MAML2: variants seen among roughly 807,000 people sequenced by gnomAD.
MAML2 encodes the protein mastermind-like protein 2.
A neutral mutation model predicts 96.1 loss-of-function variants in MAML2; 22 were observed. That is an observed-to-expected ratio of 0.23 (90% CI 0.16 to 0.33). The LOEUF is 0.33. Among genes scored for constraint, MAML2 ranks in the 10% least tolerant of loss-of-function variants. The pLI, the probability that MAML2 is intolerant of heterozygous loss-of-function variation, is 1.00. For synonymous variants in MAML2, 561 were observed against 521.3 expected, an observed-to-expected ratio of 1.08 and a Z score of -1.04; for missense variants, 1,367 against 1,392.4, an observed-to-expected ratio of 0.98 and a Z score of 0.29.
intron 1 of MAML2, among the ~76,000 whole-genome samples, chr11:96,140,876 G>T (rs1467215387): frequency 6.6e-6 from 1 of 152,174 alleles, no homozygotes; most frequent in Non-Finnish European, 1.5e-5. Flanking sequence ...TCATTTTAGG[G>T]ACACACAGGA....
chr11:96,302,730 C>T (rs529812957), intron 1 of MAML2, among the ~76,000 whole-genome samples: 1 of 152,266 alleles, frequency 6.6e-6, no homozygotes, highest in East Asian at 1.9e-4. Context: ...ACGAATTACT[C>T]TCTTGATTAA....
intron 2 of MAML2, among the ~76,000 whole-genome samples, chr11:96,020,266 CA>C (rs1858416411): frequency 6.6e-6 from 1 of 152,196 alleles, no homozygotes; most frequent in South Asian, 2.1e-4. Flanking sequence ...CCCTCTCCAT[CA>C]GATTCTCATT....
At chr11:96,158,058 A>G (rs1375439266) in intron 1 of MAML2, among the ~76,000 whole-genome samples, 1 of 152,202 alleles carries the variant, frequency 6.6e-6, no homozygotes, top group African/African-American at 2.4e-5. Context: ...AAAGAAATAT[A>G]AATCATATTT....
chr11:96,329,958 C>T (rs1863832075), intron 1 of MAML2, among the ~76,000 whole-genome samples: 1 of 152,118 alleles, frequency 6.6e-6, no homozygotes, highest in Non-Finnish European at 1.5e-5. Context: ...ATTACATTGC[C>T]CATATATATT....
At position 96,248,327 on chromosome 11, in the gene MAML2, G is replaced by T. The variant is rs565596354; in HGVS notation, c.513+93056C>A. ...GGGTTTCATCATTTTGGCCAGACTA[G>T]TCTCCAACTCCTGACCTCAAGTGAT... On this transcript the variant is annotated intron_variant, in intron 1 of 4. Transcript: ENST00000524717. Among the ~76,000 whole-genome samples, 14 of 150,868 alleles carry T rather than the reference G, an allele frequency of 9.3e-5. No individual in the cohort carries two copies. The South Asian group carries it at 2.9e-3, about 32-fold the overall frequency.
At position 96,130,102 on chromosome 11, in the gene MAML2, G is replaced by A. The variant is rs564272959; in HGVS notation, c.514-36585C>T. On this transcript the variant is annotated intron_variant, in intron 1 of 4. Coordinates refer to ENST00000524717, the MANE Select transcript of MAML2 (RefSeq NM_032427.4). ...ATGTTCCACAGCTATGGAGATATAAGCCTGTGGAATATTTCAGCTCTATCA... is the reference window on the plus strand; with the variant it reads ...ATGTTCCACAGCTATGGAGATATAAACCTGTGGAATATTTCAGCTCTATCA... Among the ~76,000 whole-genome samples, 4 of 152,300 alleles carry A rather than the reference G, an allele frequency of 2.6e-5. No individual in the cohort carries two copies. In the South Asian group the frequency reaches 8.3e-4, roughly 32 times the overall value.
chr11:96,035,877 G>A (rs1858703660), intron 2 of MAML2, among the ~76,000 whole-genome samples: 1 of 152,104 alleles, frequency 6.6e-6, no homozygotes, highest in South Asian at 2.1e-4. Context: ...ATGTGACCGT[G>A]GGCAAGTTAC....
intron 1 of MAML2, among the ~76,000 whole-genome samples, chr11:96,307,403 C>T: frequency 6.6e-6 from 1 of 152,138 alleles, no homozygotes; most frequent in East Asian, 1.9e-4. Context: ...AAAGTATATT[C>T]CTTAAATATA....
intron 2 of MAML2, among the ~76,000 whole-genome samples, chr11:95,998,170 G>A (rs7483028): frequency 1.4e-3 from 114 of 81,986 alleles, no homozygotes; most frequent in Middle Eastern, 6.5e-3. Context: ...CTGTCTGTCT[G>A]TCTGTCTATC....
intron 1 of MAML2, among the ~76,000 whole-genome samples, chr11:96,224,268 G>T (rs1473498475): frequency 6.6e-6 from 1 of 152,170 alleles, no homozygotes; most frequent in Non-Finnish European, 1.5e-5. Flanking sequence ...TAAAGTACCA[G>T]TCTATTTATT....
intron 2 of MAML2, among the ~76,000 whole-genome samples, chr11:96,038,977 C>T (rs989609678): frequency 2.0e-5 from 3 of 152,080 alleles, no homozygotes; most frequent in South Asian, 2.1e-4. Context: ...CTAGGCCAGG[C>T]GGAATTACTG....
intron 1 of MAML2, among the ~76,000 whole-genome samples, chr11:96,211,887 T>C (rs1451655996): frequency 6.6e-6 from 1 of 152,038 alleles, no homozygotes; most frequent in Non-Finnish European, 1.5e-5. Flanking sequence ...GAAGATTAGA[T>C]AGAATGGAGA....
intron 2 of MAML2, among the ~76,000 whole-genome samples, chr11:96,062,739 T>C (rs1364805621): frequency 2.0e-5 from 3 of 152,254 alleles, no homozygotes; most frequent in Non-Finnish European, 4.4e-5. Context: ...CTGTTTCAAA[T>C]GTCACATCAC....
Position 96,281,305 on chromosome 11 carries a change from G to A in MAML2, c.513+60078C>T, listed in dbSNP as rs1289342801. Among the ~76,000 whole-genome samples the A allele has an allele frequency of 2.6e-5, 4 of 152,298 alleles. No individual in the cohort carries two copies. In the East Asian group the frequency reaches 5.8e-4, roughly 22 times the overall value. ...ACTGATGGAAGGGAAGTGGGGTCTGGTGGCAGGTGATGGATAGATCACTAA... is the reference window on the plus strand; with the variant it reads ...ACTGATGGAAGGGAAGTGGGGTCTGATGGCAGGTGATGGATAGATCACTAA... On this transcript the variant is annotated intron_variant, in intron 1 of 4. Transcript: ENST00000524717.
chr11:96,298,870 G>A (rs988720549), intron 1 of MAML2, among the ~76,000 whole-genome samples: 4 of 145,828 alleles, frequency 2.7e-5, no homozygotes, highest in Non-Finnish European at 4.5e-5. Context: ...GTGAAACCCC[G>A]TCTCTACTAA....
At chr11:96,329,402 T>A (rs1481631140) in intron 1 of MAML2, among the ~76,000 whole-genome samples, 1 of 152,146 alleles carries the variant, frequency 6.6e-6, no homozygotes, top group Non-Finnish European at 1.5e-5. Context: ...CTTCAGACCC[T>A]CCTTACTGCT....
At position 95,979,586 on chromosome 11, in the gene MAML2, C is replaced by A; in HGVS notation, c.2833G>T (p.Ala945Ser). 5.0e-6 allele frequency: 8 copies of A among 1,613,858 alleles called. No homozygotes were observed. The highest frequency in any genetic ancestry group is 6.8e-6 in the Non-Finnish European group (8 of 1,179,876). The change falls in exon 5 of 5, where the codon GCA becomes TCA. Residue 945 changes from alanine to serine, a missense_variant. Coordinates refer to ENST00000524717, the MANE Select transcript of MAML2 (RefSeq NM_032427.4). ...GATGTTCTCTGTGGTGGCATGCTTG[C>A]CATACTATGGGTTAAATTTGGTCTC... ...QLRPNLTHSM[A>S]SMPPQRTSNV...
intron 2 of MAML2, among the ~76,000 whole-genome samples, chr11:96,065,644 A>G (rs1174109356): frequency 6.6e-6 from 1 of 152,234 alleles, no homozygotes; most frequent in Admixed American, 6.5e-5. Flanking sequence ...AACTACAGTA[A>G]CTGCTTGTCA....
chr11:96,081,314 T>C (rs1415647472), intron 2 of MAML2, among the ~76,000 whole-genome samples: 1 of 152,182 alleles, frequency 6.6e-6, no homozygotes, highest in Admixed American at 6.5e-5. Flanking sequence ...ATATGAATAT[T>C]TATAATATTC....
Sources: gnomAD v4.1 joint callset for allele counts (sites outside exome capture counted in the v4.1 genomes callset) on GRCh38, gnomAD v4.1.1 for gene constraint, MANE v1.5 for transcripts, NCBI Gene and HGNC (gene_info 2026-07-23, HGNC 2026-07-21) for gene names.